TDRD10: variants seen among roughly 807,000 people sequenced by gnomAD.
TDRD10 encodes the protein tudor domain-containing protein 10.
A neutral mutation model predicts 48.0 loss-of-function variants in TDRD10; 40 were observed. The ratio of observed to expected loss-of-function variants is 0.83; its 90% CI spans 0.65 to 1.09. TDRD10 has a LOEUF of 1.09. TDRD10 is among the 50% of genes least tolerant of loss of function. The probability of loss-of-function intolerance (pLI) is 0.00; values close to 1 mark genes in which losing one functional copy is unlikely to be tolerated. For missense variants in TDRD10, 378 were observed against 434.7 expected (o/e 0.87, Z 1.16); for synonymous variants, 162 against 170.4 (o/e 0.95, Z 0.38).
intron 1 of TDRD10, among the ~76,000 whole-genome samples, chr1:154,504,890 G>A (rs1693055233): frequency 1.3e-5 from 2 of 152,174 alleles, no homozygotes; most frequent in Admixed American, 1.3e-4. Context: ...GGGAGGCTGA[G>A]GTGGGAGAAT....
At chr1:154,511,036 ACC>A (rs1396481597) in intron 4 of TDRD10, among the ~76,000 whole-genome samples, 1 of 151,260 alleles carries the variant, frequency 6.6e-6, no homozygotes, top group African/African-American at 2.4e-5. Context: ...ATAGAGCGAG[ACC>A]CTGTTTCAAA....
rs1303780713 is a variant in TDRD10, at chr1:154,515,252, C to T, written c.142-5052C>T. On this transcript the variant is annotated intron_variant, in intron 4 of 12. Coordinates refer to ENST00000368482, the MANE Select transcript of TDRD10 (RefSeq NM_182499.4). ...GGCTCAAGTGATCTGCCTGCCTCGGCCTCCCAAAGTGCTGGGATTACAGGT... is the reference window on the plus strand; with the variant it reads ...GGCTCAAGTGATCTGCCTGCCTCGGTCTCCCAAAGTGCTGGGATTACAGGT... 2.0e-5 allele frequency among the ~76,000 whole-genome samples: 3 copies of T among 152,074 alleles called. 1 individual carries two copies. The highest frequency in any genetic ancestry group is 3.8e-4 in the East Asian group (2 of 5,196).
intron 6 of TDRD10, among the ~76,000 whole-genome samples, chr1:154,527,664 G>C (rs1174871811): frequency 6.6e-6 from 1 of 152,082 alleles, no homozygotes; most frequent in Non-Finnish European, 1.5e-5. Flanking sequence ...AGATGGATAA[G>C]TTAAAATAAA....
At chr1:154,516,191 T>C (rs1693757184) in intron 4 of TDRD10, among the ~76,000 whole-genome samples, 1 of 152,168 alleles carries the variant, frequency 6.6e-6, no homozygotes, top group Non-Finnish European at 1.5e-5. Context: ...TCAAGGATTT[T>C]AGTCAAAAAG....
In TDRD10 at chr1:154,508,434, A is replaced by G; in HGVS notation, c.94A>G (p.Arg32Gly). 6.2e-7 allele frequency: 1 copy of G among 1,609,230 alleles called. No individual in the cohort carries two copies. The highest frequency in any genetic ancestry group is 8.5e-7 in the Non-Finnish European group (1 of 1,175,538). Reference sequence around the variant, plus strand: ...GTTTTTCTTCTTAGGATTCAAGAAAAGAGAGACAGAGGTGTATGTTGGCAA... The same window carrying G: ...GTTTTTCTTCTTAGGATTCAAGAAAGGAGAGACAGAGGTGTATGTTGGCAA... ...EEQKSPGFKKRETEVYVGNLP... is the reference protein window; with the variant it reads ...EEQKSPGFKKGETEVYVGNLP... The change falls in exon 4 of 13, where the codon AGA becomes GGA. Residue 32 changes from arginine (R) to glycine (G), a missense_variant. Around this residue, in one of 2 missense-constraint regions of TDRD10, gnomAD observed 310 missense variants for 323.6 expected, o/e 0.96. Coordinates refer to ENST00000368482, the MANE Select transcript of TDRD10 (RefSeq NM_182499.4).
chr1:154,540,358 G>A (rs144091353), intron 6 of TDRD10, among the ~76,000 whole-genome samples: 4 of 151,924 alleles, frequency 2.6e-5, no homozygotes, highest in Non-Finnish European at 4.4e-5. Flanking sequence ...AGAGAACTTG[G>A]GTGAACTGCT....
chr1:154,538,784 CAG>C (rs1695061512), intron 6 of TDRD10, among the ~76,000 whole-genome samples: 1 of 151,620 alleles, frequency 6.6e-6, no homozygotes. Flanking sequence ...ACCTGGGAGG[CAG>C]AGCTTGCAGT....
In TDRD10 at chr1:154,505,002, C is replaced by T. The variant is rs141232087; in HGVS notation, c.-27-1875C>T. 1.6e-3 allele frequency among the ~76,000 whole-genome samples: 250 copies of T among 152,176 alleles called. 2 individuals are homozygous for T. Among genetic ancestry groups the T allele is most frequent in the Middle Eastern group, 3.4e-3 (1 of 294 alleles). ...ACCCTGTCTCAAAAACAAAAAACAACAACAACAAAAAACTACACAAATAGG... is the reference window on the plus strand; with the variant it reads ...ACCCTGTCTCAAAAACAAAAAACAATAACAACAAAAAACTACACAAATAGG... On this transcript the variant is annotated intron_variant, in intron 1 of 12. Coordinates refer to ENST00000368482, the MANE Select transcript of TDRD10 (RefSeq NM_182499.4).
At chr1:154,542,546 G>T (rs1420209028) in intron 7 of TDRD10, among the ~76,000 whole-genome samples, 185 bp from the exon 8 acceptor site, 1 of 152,194 alleles carries the variant, frequency 6.6e-6, no homozygotes, top group East Asian at 1.9e-4. Flanking sequence ...CTTTCTTAAA[G>T]AATATCATCC....
At chr1:154,531,847 C>T (rs936710973) in intron 6 of TDRD10, among the ~76,000 whole-genome samples, 1 of 152,114 alleles carries the variant, frequency 6.6e-6, no homozygotes, top group Non-Finnish European at 1.5e-5. Context: ...GTTTACAATC[C>T]CTGAGCTAGA....
At chr1:154,504,221 C>T (rs1479531607) in intron 1 of TDRD10, among the ~76,000 whole-genome samples, 1 of 152,154 alleles carries the variant, frequency 6.6e-6, no homozygotes, top group Non-Finnish European at 1.5e-5. Flanking sequence ...TTTTATATTG[C>T]CAAATAATAT....
At chr1:154,529,433 AG>A (rs530048700) in intron 6 of TDRD10, among the ~76,000 whole-genome samples, 11 of 152,206 alleles carry the variant, frequency 7.2e-5, no homozygotes, top group Non-Finnish European at 1.5e-4. Context: ...AGGAGATGGA[AG>A]ATGTATTGTA....
At position 154,544,921 on chromosome 1, in the gene TDRD10, C is replaced by T. The variant is rs142034665; in HGVS notation, c.924C>T (p.Pro308=). Residue 308 remains proline (P), a synonymous_variant, in exon 11 of 13, where the codon CCC becomes CCT. Transcript: ENST00000368482. ...LDSDDFWTIP[P]LTQPFMLEKD... ...GCGACGACTTCTGGACCATCCCACC[C>T]CTGACTCAGCCATTCATGCTGGAGA... The T allele has an allele frequency of 6.2e-7, 1 of 1,614,084 alleles. No individual in the cohort carries two copies. Among genetic ancestry groups the T allele is most frequent in the Non-Finnish European group, 8.5e-7 (1 of 1,180,050 alleles).
At position 154,544,100 on chromosome 1, in the gene TDRD10, A is replaced by G. The variant is rs1214606432; in HGVS notation, c.641A>G (p.His214Arg). The change falls in exon 9 of 13, where the codon CAC (histidine) becomes CGC (arginine). Residue 214 changes from histidine (H) to arginine (R), a missense_variant. Physicochemically the swap from His to Arg is conservative, Grantham distance 29. Transcript: ENST00000368482. The stretch of plus-strand genomic sequence containing the variant: ...AAGACCCCGTTTTTCTGGGCTATGC[A>G]CGTCACTGAGGTATGGACTGGTTGT... ...VPKTPFFWAM[H>R]VTEALHQNMQ... The G allele has an allele frequency of 4.3e-6, 7 of 1,614,132 alleles. No homozygotes were observed. The highest frequency in any genetic ancestry group is 5.9e-6 in the Non-Finnish European group (7 of 1,180,000).
At chr1:154,534,529 G>A (rs898982239) in intron 6 of TDRD10, 2 of 152,254 alleles carry the variant, frequency 1.3e-5, no homozygotes, top group African/African-American at 4.8e-5. Context: ...CCATGGCTTT[G>A]CCCATCCTGG....
At chr1:154,538,550 CAAAA>C (rs59257227) in intron 6 of TDRD10, among the ~76,000 whole-genome samples, 1 of 57,334 alleles carries the variant, frequency 1.7e-5, no homozygotes, top group Non-Finnish European at 3.0e-5. Flanking sequence ...AACTCTATCT[CAAAA>C]AAAAAAAAAA....
In TDRD10 at chr1:154,542,624, AT is replaced by A; in HGVS notation, c.413-103del. 1.7e-5 allele frequency: 14 copies of A among 818,386 alleles called. No individual in the cohort carries two copies. In the South Asian group the frequency reaches 1.9e-4, roughly 11 times the overall value. 50.7% of individuals were successfully genotyped at this position (818,386 alleles called of 1,614,324 possible). On this transcript the variant is annotated intron_variant, in intron 7 of 12. Coordinates refer to ENST00000368482, the MANE Select transcript of TDRD10 (RefSeq NM_182499.4). The stretch of plus-strand genomic sequence containing the variant: ...GTTGGAGGGTGCAGCTTCTTGGCCC[AT>A]TTTATGCTTCCTTGGAGGGCAGGGC...
chr1:154,537,807 G>A (rs545334906), intron 6 of TDRD10, among the ~76,000 whole-genome samples: 35 of 152,298 alleles, frequency 2.3e-4, no homozygotes, highest in African/African-American at 8.2e-4. Flanking sequence ...TGGAGCAGGC[G>A]CACCTCTTAG....
chr1:154,526,996 G>A (rs1009398111), intron 6 of TDRD10, among the ~76,000 whole-genome samples: 16 of 151,910 alleles, frequency 1.1e-4, no homozygotes, highest in Non-Finnish European at 2.2e-4. Context: ...TGCAACCTCC[G>A]CCTTCTGGGT....
Sources: gnomAD v4.1 joint callset for allele counts (sites outside exome capture counted in the v4.1 genomes callset) on GRCh38, gnomAD v4.1.1 for gene constraint, gnomAD v4.1.1 regional missense constraint, MANE v1.5 for transcripts, NCBI Gene and HGNC (gene_info 2026-07-23, HGNC 2026-07-21) for gene names.